CAMSAP3: variants seen among roughly 807,000 people sequenced by gnomAD.
The protein encoded by CAMSAP3 is calmodulin regulated spectrin associated protein family member 3, also known as calmodulin-regulated spectrin-associated protein 3.
CAMSAP3 carries 34 observed loss-of-function variants against 112.5 expected under a neutral mutation model. That is an observed-to-expected ratio of 0.30 (90% CI 0.23 to 0.40). The LOEUF (loss-of-function observed/expected upper bound fraction) is 0.40, where lower values mean the gene tolerates loss of function less well. CAMSAP3 is among the 10% of genes least tolerant of loss of function. The pLI, the probability that CAMSAP3 is intolerant of heterozygous loss-of-function variation, is 1.00. For synonymous variants in CAMSAP3, 868 were observed against 799.8 expected, an observed-to-expected ratio of 1.09 and a Z score of -1.44; for missense variants, 1,602 against 1,770.3, an observed-to-expected ratio of 0.90 and a Z score of 1.71.
intron 5 of CAMSAP3, 106 bp downstream of exon 5, chr19:7,608,370 G>C: frequency 7.3e-7 from 1 of 1,376,730 alleles, no homozygotes; most frequent in Non-Finnish European, 9.9e-7. Context: ...CAACGATGCA[G>C]TGGTCATGAG....
In CAMSAP3 at chr19:7,617,353, C is replaced by A; in HGVS notation, c.3240C>A (p.Ser1080=). The stretch of plus-strand genomic sequence containing the variant: ...CTCCCTCCCCGTCAGGTCTCATGTC[C>A]CCAAGCCGCCTGCCTGGAAGCCGCG... ...SRAPSPSGLM[S]PSRLPGSRER... The change falls in exon 15 of 17, where the codon TCC becomes TCA. Residue 1080 remains serine (S), a synonymous_variant. Coordinates refer to ENST00000160298, the MANE Select transcript of CAMSAP3 (RefSeq NM_020902.2). The surrounding 1 kb of genome is among the most constrained non-coding windows in gnomAD (Gnocchi z 7.5). 6.2e-7 allele frequency: 1 copy of A among 1,614,092 alleles called. No individual in the cohort carries two copies. Among genetic ancestry groups the A allele is most frequent in the African/African-American group, 1.3e-5 (1 of 75,058 alleles).
At chr19:7,613,635 G>T (rs960892679) in intron 11 of CAMSAP3, among the ~76,000 whole-genome samples, 1 of 151,900 alleles carries the variant, frequency 6.6e-6, no homozygotes, top group Non-Finnish European at 1.5e-5. Context: ...GGGGAGGGGT[G>T]GAGAAACAGG....
At position 7,607,276 on chromosome 19, in the gene CAMSAP3, CCTAA is replaced by C. The variant is rs1408181775; in HGVS notation, c.621+708_621+711del. Among the ~76,000 whole-genome samples the C allele has an allele frequency of 3.9e-5, 6 of 152,204 alleles. No homozygotes were observed. Among genetic ancestry groups the C allele is most frequent in the Non-Finnish European group, 7.3e-5 (5 of 68,046 alleles). ...ATGCAGAAGAAGATAGAATAACTTT[CCTAA>C]CTGAGACCCCCAGCTTCCCTAGAGA... On this transcript the variant is annotated intron_variant, in intron 4 of 16. Coordinates refer to ENST00000160298, the MANE Select transcript of CAMSAP3 (RefSeq NM_020902.2). This position sits in a 1 kb window ranked among gnomAD's most constrained non-coding sequence, Gnocchi z 4.9.
chr19:7,598,647 G>A (rs2029861743), intron 1 of CAMSAP3, among the ~76,000 whole-genome samples: 1 of 152,164 alleles, frequency 6.6e-6, no homozygotes, highest in Non-Finnish European at 1.5e-5. Flanking sequence ...AATTAGCCGG[G>A]AATGATGGCA....
chr19:7,606,216 CGAGG>C, intron 2 of CAMSAP3, 51 bp from the exon 3 acceptor site: 1 of 1,410,816 alleles, frequency 7.1e-7, no homozygotes, highest in African/African-American at 1.5e-5. Flanking sequence ...CCTTGGGGGC[CGAGG>C]TGCGCCTCCT....
chr19:7,608,882 C>T (rs901914623), intron 5 of CAMSAP3, among the ~76,000 whole-genome samples: 16 of 152,214 alleles, frequency 1.1e-4, no homozygotes, highest in Non-Finnish European at 2.2e-4. Context: ...GATCTGCCTA[C>T]CTTGGCCTCC....
rs777987088 is a variant in CAMSAP3 at position 7,605,359 on chromosome 19, G to A, written c.282G>A (p.Gln94=). 3.7e-6 allele frequency: 6 copies of A among 1,604,544 alleles called. No individual in the cohort carries two copies. The highest frequency in any genetic ancestry group is 1.7e-4 in the Middle Eastern group (1 of 6,036). The change falls in exon 2 of 17, where the codon CAG becomes CAA. Residue 94 remains glutamine (Q), a synonymous_variant. Transcript: ENST00000160298. ...YCRAWRQALP[Q]LETPPNPSAL... ...GAGCCTGGCGCCAGGCACTGCCACA[G>A]CTTGAAACACCCCCCAACCCCTCTG...
chr19:7,612,829 G>A lies in CAMSAP3; in HGVS notation c.2336G>A (p.Arg779His). Residue 779 changes from arginine to histidine, a missense_variant, in exon 11 of 17, where the codon CGC becomes CAC. This residue lies in a region of CAMSAP3 where 1,100 missense variants were observed against 1,135.7 expected (regional missense o/e 0.97). Transcript: ENST00000160298. The part of the protein sequence containing the change: ...SPGPGPSQSP[R>H]SPKHTRPAEL... ...GGGCCCGGGCCCAGCCAGTCACCCC[G>A]CAGCCCGAAACACACGCGGCCAGCG... The A allele has an allele frequency of 1.3e-6, 2 of 1,569,034 alleles. No homozygotes were observed. The highest frequency in any genetic ancestry group is 8.6e-7 in the Non-Finnish European group (1 of 1,160,930).
At chr19:7,606,750 C>T in intron 4 of CAMSAP3, 179 bp downstream of exon 4, 7 of 1,613,688 alleles carry the variant, frequency 4.3e-6, no homozygotes, top group Non-Finnish European at 5.9e-6. Flanking sequence ...GTACCCGCTG[C>T]CCTCCTCTCT....
intron 4 of CAMSAP3, among the ~76,000 whole-genome samples, chr19:7,606,968 C>A (rs370129901): frequency 2.0e-5 from 3 of 152,222 alleles, no homozygotes; most frequent in African/African-American, 7.2e-5. Flanking sequence ...GGGAGAACCC[C>A]TCTGTGAACC....
intron 1 of CAMSAP3, among the ~76,000 whole-genome samples, 177 bp downstream of exon 1, chr19:7,596,327 C>T (rs2024440378): frequency 6.6e-6 from 1 of 150,778 alleles, no homozygotes. Flanking sequence ...CCTGCTCGGC[C>T]CGGGCGGTGG....
chr19:7,596,021 C>A lies in CAMSAP3; in HGVS notation c.19C>A (p.Pro7Thr). The A allele has an allele frequency of 8.5e-7, 1 of 1,182,270 alleles. No individual in the cohort carries two copies. The highest frequency in any genetic ancestry group is 1.1e-6 in the Non-Finnish European group (1 of 934,966). 73.2% of individuals were successfully genotyped at this position (1,182,270 alleles called of 1,614,324 possible). A position where few individuals can be genotyped will look rare whatever the true frequency, so the allele number is the denominator to read the frequency against. ...CGCCGCCATGGTGGAGGCGGCGCCCCCCGGGCCCGGGCCGCTGCGGAGGAC... is the reference window on the plus strand; with the variant it reads ...CGCCGCCATGGTGGAGGCGGCGCCCACCGGGCCCGGGCCGCTGCGGAGGAC... The part of the protein sequence containing the change: MVEAAP[P>T]GPGPLRRTFL... The change falls in exon 1 of 17, where the codon CCC (proline) becomes ACC (threonine). Residue 7 changes from proline to threonine, a missense_variant. This residue lies in a region of CAMSAP3 where 147 missense variants were observed against 144.6 expected (regional missense o/e 1.02). Transcript: ENST00000160298.
Position 7,615,183 on chromosome 19 carries a change from G to T in CAMSAP3, c.2671G>T (p.Asp891Tyr). The change falls in exon 12 of 17, where the codon GAT becomes TAT. Residue 891 changes from aspartate to tyrosine, a missense_variant and splice_region_variant. Asp to Tyr is a radical substitution (Grantham distance 160). Around this residue, in one of 6 missense-constraint regions of CAMSAP3, gnomAD observed 1,100 missense variants for 1,135.7 expected, o/e 0.97. Transcript: ENST00000160298. The surrounding 1 kb of genome is among the most constrained non-coding windows in gnomAD (Gnocchi z 6.5). ...PRVGLGFFYK[D>Y]EDKPEDEMAQ... ...GGCTGGACTCGGCGTCTGTCCCCAG[G>T]ATGAAGACAAGCCTGAGGACGAGAT... 1 of 1,554,764 alleles carries T rather than the reference G, an allele frequency of 6.4e-7. No homozygotes were observed. Among genetic ancestry groups the T allele is most frequent in the African/African-American group, 1.4e-5 (1 of 73,474 alleles).
At chr19:7,605,546 G>T in intron 2 of CAMSAP3, 67 bp downstream of exon 2, 3 of 1,383,900 alleles carry the variant, frequency 2.2e-6, no homozygotes, top group Middle Eastern at 2.3e-4. Context: ...AGCTCCTCCC[G>T]CCAGTCCTGG....
rs754011606 is a variant in CAMSAP3, at chr19:7,605,444, C to T, written c.367C>T (p.Arg123Cys). Residue 123 changes from arginine to cysteine, a missense_variant, in exon 2 of 17, where the codon CGC becomes TGC. By Grantham distance (180) the Arg-to-Cys change is radical. This residue lies in a region of CAMSAP3 where 35 missense variants were observed against 79.8 expected (regional missense o/e 0.44). Coordinates refer to ENST00000160298, the MANE Select transcript of CAMSAP3 (RefSeq NM_020902.2). ...TVPALPERPV[R>C]EADLRHQPIL... ...GCCTGCTTTGCCCGAGCGCCCGGTG[C>T]GCGAGGCCGACCTGAGGCACCAGCC... The T allele has an allele frequency of 1.1e-5, 16 of 1,458,708 alleles. 1 individual carries two copies. The South Asian group carries it at 1.9e-4, about 17-fold the overall frequency. 90.4% of individuals were successfully genotyped at this position (1,458,708 alleles called of 1,614,324 possible).
At chr19:7,604,318 T>C (rs1207047104) in intron 1 of CAMSAP3, among the ~76,000 whole-genome samples, 1 of 152,120 alleles carries the variant, frequency 6.6e-6, no homozygotes, top group African/African-American at 2.4e-5. Context: ...CCTCTTCCCA[T>C]TGTCCTATTT....
At position 7,607,879 on chromosome 19, in the gene CAMSAP3, C is replaced by A; in HGVS notation, c.622-247C>A. ...AGCAAACCCCCCATGGTAATGTATCCCCCGCCCCGGGGTCCCAGGAGTCCC... is the reference window on the plus strand; with the variant it reads ...AGCAAACCCCCCATGGTAATGTATCACCCGCCCCGGGGTCCCAGGAGTCCC... On this transcript the variant is annotated intron_variant, in intron 4 of 16. Coordinates refer to ENST00000160298, the MANE Select transcript of CAMSAP3 (RefSeq NM_020902.2). This position sits in a 1 kb window ranked among gnomAD's most constrained non-coding sequence, Gnocchi z 4.9. The A allele has an allele frequency of 8.9e-7, 1 of 1,126,182 alleles. No homozygotes were observed. The highest frequency in any genetic ancestry group is 1.3e-6 in the Non-Finnish European group (1 of 774,172). 69.8% of individuals were successfully genotyped at this position (1,126,182 alleles called of 1,614,324 possible).
intron 14 of CAMSAP3, among the ~76,000 whole-genome samples, chr19:7,616,942 T>TTTG (rs1555763647): frequency 7.1e-5 from 9 of 126,016 alleles, no homozygotes; most frequent in African/African-American, 2.9e-4. Flanking sequence ...GCCTTTTTTT[T>TTTG]TTTTTTTTTT....
intron 1 of CAMSAP3, among the ~76,000 whole-genome samples, chr19:7,597,822 C>G (rs1228589967): frequency 6.6e-6 from 1 of 152,160 alleles, no homozygotes; most frequent in East Asian, 1.9e-4. Flanking sequence ...AAGCAAACTT[C>G]TGATGAGGGG....
Sources: allele counts gnomAD v4.1 joint callset (sites outside exome capture counted in the v4.1 genomes callset), GRCh38; gene constraint gnomAD v4.1.1; regional missense constraint gnomAD v4.1.1; non-coding constraint Gnocchi (gnomAD v3.1); transcripts MANE v1.5; gene names NCBI Gene and HGNC (gene_info 2026-07-23, HGNC 2026-07-21).